Variants in MET observed in about 807,000 individuals in gnomAD.
MET encodes MET proto-oncogene, receptor tyrosine kinase.
Under a neutral mutation model 133.1 loss-of-function variants are expected in MET, and 48 were observed. The ratio of observed to expected loss-of-function variants is 0.36; its 90% CI spans 0.29 to 0.46. MET has a LOEUF of 0.46. Ranked by LOEUF, MET falls within the 20% of genes least tolerant of loss-of-function variation. MET has a pLI of 1.00. For missense variants in MET, 1,442 were observed against 1,695.9 expected (o/e 0.85, Z 2.63); for synonymous variants, 628 against 616.5 (o/e 1.02, Z -0.28).
At chr7:116,757,111 A>G (rs540804012) in intron 6 of MET, among the ~76,000 whole-genome samples, 3 of 151,976 alleles carry the variant, frequency 2.0e-5, no homozygotes, top group Non-Finnish European at 2.9e-5. Flanking sequence ...ATGCCGTGGC[A>G]TGCACCTCTA....
At chr7:116,792,034 AT>A (rs1795516466) in intron 19 of MET, among the ~76,000 whole-genome samples, 4 of 152,098 alleles carry the variant, frequency 2.6e-5, no homozygotes, top group African/African-American at 9.7e-5. Flanking sequence ...AAAGTTTTTG[AT>A]TTTGTTGAAA....
intron 5 of MET, among the ~76,000 whole-genome samples, chr7:116,754,725 G>A (rs1794058833): frequency 6.6e-6 from 1 of 151,568 alleles, no homozygotes; most frequent in African/African-American, 2.4e-5. Flanking sequence ...GCTAATGTGG[G>A]AGGATTGCTT....
chr7:116,784,116 C>G (rs1326242186), intron 19 of MET, among the ~76,000 whole-genome samples: 1 of 152,140 alleles, frequency 6.6e-6, no homozygotes, highest in Admixed American at 6.5e-5. Flanking sequence ...AATGGAAATA[C>G]CGATCCAGGT....
intron 1 of MET, among the ~76,000 whole-genome samples, chr7:116,680,830 T>C (rs1461800856): frequency 6.6e-6 from 1 of 151,894 alleles, no homozygotes; most frequent in Non-Finnish European, 1.5e-5. Context: ...CAGTCCCAGC[T>C]ACTCAGGAGG....
chr7:116,674,973 A>T (rs1458650684), intron 1 of MET, among the ~76,000 whole-genome samples: 1 of 152,264 alleles, frequency 6.6e-6, no homozygotes, highest in Non-Finnish European at 1.5e-5. Flanking sequence ...ATGTATGTAG[A>T]AACTCAAGTG....
intron 19 of MET, among the ~76,000 whole-genome samples, chr7:116,789,625 A>T (rs1795423036): frequency 6.6e-6 from 1 of 152,234 alleles, no homozygotes; most frequent in African/African-American, 2.4e-5. Flanking sequence ...CTAGAGTTTT[A>T]CTTTTTCTAA....
chr7:116,696,468 T>G (rs967810838), intron 1 of MET, among the ~76,000 whole-genome samples: 2 of 152,230 alleles, frequency 1.3e-5, no homozygotes, highest in Non-Finnish European at 2.9e-5. Context: ...CAATTTAACA[T>G]CTGATACTAC....
At chr7:116,754,010 C>T (rs536565948) in intron 5 of MET, among the ~76,000 whole-genome samples, 2 of 152,310 alleles carry the variant, frequency 1.3e-5, no homozygotes, top group South Asian at 4.1e-4. Context: ...TGGCGCACAC[C>T]TGTAGTCCTG....
chr7:116,685,053 G>T (rs942392921), intron 1 of MET, among the ~76,000 whole-genome samples: 1 of 152,190 alleles, frequency 6.6e-6, no homozygotes, highest in African/African-American at 2.4e-5. Context: ...TATGGGACAT[G>T]TTCAGCACTG....
intron 2 of MET, among the ~76,000 whole-genome samples, chr7:116,720,251 T>A (rs1369103898): frequency 3.6e-5 from 5 of 140,420 alleles, no homozygotes; most frequent in African/African-American, 1.3e-4. Flanking sequence ...GAAGCAATTG[T>A]GAATGGGAGT....
At chr7:116,678,212 G>A (rs897931699) in intron 1 of MET, among the ~76,000 whole-genome samples, 3 of 152,134 alleles carry the variant, frequency 2.0e-5, no homozygotes, top group Non-Finnish European at 4.4e-5. Flanking sequence ...GCCCAAGCTA[G>A]CAGCCCTCCA....
Position 116,740,874 on chromosome 7 carries a change from G to T in MET, c.1550G>T (p.Gly517Val), listed in dbSNP as rs1417975136. ...CAGATCACGAAGATCCCATTGAATG[G>T]CTTGGGCTGCAGACATTTCCAGTCC... ...GKKITKIPLN[G>V]LGCRHFQSCS... The change falls in exon 5 of 21, where the codon GGC becomes GTC. Residue 517 changes from glycine to valine, a missense_variant. Physicochemically the swap from Gly to Val is moderately radical, Grantham distance 109 (BLOSUM62 -3). This residue lies in a region of MET where 762 missense variants were observed against 792.4 expected (regional missense o/e 0.96). Coordinates refer to ENST00000397752, the MANE Select transcript of MET (RefSeq NM_000245.4). The T allele has an allele frequency of 6.2e-7, 1 of 1,614,034 alleles. No individual in the cohort carries two copies. The highest frequency in any genetic ancestry group is 1.3e-5 in the African/African-American group (1 of 75,010).
Position 116,700,212 on chromosome 7 carries a change from G to A in MET, c.1128G>A (p.Lys376=), listed in dbSNP as rs2116606082. The A allele has an allele frequency of 6.3e-7, 1 of 1,594,770 alleles. No homozygotes were observed. Among genetic ancestry groups the A allele is most frequent in the Non-Finnish European group, 8.5e-7 (1 of 1,174,090 alleles). Residue 376 remains lysine (K), a synonymous_variant, in exon 2 of 21, where the codon AAG becomes AAA. Transcript: ENST00000397752. The part of the protein sequence containing the change: ...PIKYVNDFFN[K]IVNKNNVRCL... ...AATATGTCAACGACTTCTTCAACAAGATCGTCAACAAAAACAATGTGAGAT... is the reference window on the plus strand; with the variant it reads ...AATATGTCAACGACTTCTTCAACAAAATCGTCAACAAAAACAATGTGAGAT...
rs577002609 is a variant in MET at position 116,743,087 on chromosome 7, A to C, written c.1701+2062A>C. ...CAGTGGGTGCAGCCCACAGAGGTTGAGCTGAAGCAAGGTGGGATGTTGCCT... is the reference window on the plus strand; with the variant it reads ...CAGTGGGTGCAGCCCACAGAGGTTGCGCTGAAGCAAGGTGGGATGTTGCCT... On this transcript the variant is annotated intron_variant, in intron 5 of 20. Transcript: ENST00000397752. Among the ~76,000 whole-genome samples, 66 of 152,338 alleles carry C rather than the reference A, an allele frequency of 4.3e-4. 1 individual carries two copies. Among genetic ancestry groups the C allele is most frequent in the African/African-American group, 1.5e-3 (64 of 41,568 alleles).
chr7:116,755,036 G>GAAAGAAAGAAAGAAAGAAAGAAAGA (rs1554394838), intron 5 of MET, among the ~76,000 whole-genome samples: 3 of 151,354 alleles, frequency 2.0e-5, no homozygotes, highest in East Asian at 1.9e-4. Flanking sequence ...AAGAAAGAAA[G>GAAAGAAAGAAAGAAAGAAAGAAAGA]AAAGAAAAGA....
intron 1 of MET, among the ~76,000 whole-genome samples, chr7:116,677,474 T>C (rs550290947): frequency 1.3e-5 from 2 of 152,364 alleles, no homozygotes; most frequent in South Asian, 2.1e-4. Context: ...TTAGAGCTGT[T>C]GTGAGGCTCA....
At chr7:116,790,948 C>T (rs551628216) in intron 19 of MET, among the ~76,000 whole-genome samples, 1 of 152,160 alleles carries the variant, frequency 6.6e-6, no homozygotes, top group Non-Finnish European at 1.5e-5. Flanking sequence ...AGTGGTGGCA[C>T]ATGCCTGTAA....
chr7:116,795,605 A>G, intron 19 of MET, 50 bp from the exon 20 acceptor site: 1 of 1,611,854 alleles, frequency 6.2e-7, no homozygotes, highest in African/African-American at 1.3e-5. Flanking sequence ...CCTTTCATAT[A>G]TGTATGGTCA....
At position 116,740,071 on chromosome 7, in the gene MET, T is replaced by C; in HGVS notation, c.1514T>C (p.Ile505Thr). ...AACCAAAATGGCTACACACTGGTTATCACTGGGAAGAAGGTAAGCTGTTCC... is the reference window on the plus strand; with the variant it reads ...AACCAAAATGGCTACACACTGGTTACCACTGGGAAGAAGGTAAGCTGTTCC... Reference protein sequence around the residue: ...TLNQNGYTLVITGKKITKIPL... With the variant: ...TLNQNGYTLVTTGKKITKIPL... The change falls in exon 4 of 21, where the codon ATC becomes ACC. Residue 505 changes from isoleucine to threonine, a missense_variant. By Grantham distance (89) the Ile-to-Thr change is moderately conservative. Transcript: ENST00000397752. 6.2e-7 allele frequency: 1 copy of C among 1,614,104 alleles called. No individual in the cohort carries two copies. Among genetic ancestry groups the C allele is most frequent in the Non-Finnish European group, 8.5e-7 (1 of 1,179,960 alleles).
Sources: allele counts gnomAD v4.1 joint callset (sites outside exome capture counted in the v4.1 genomes callset), GRCh38; gene constraint gnomAD v4.1.1; regional missense constraint gnomAD v4.1.1; transcripts MANE v1.5; gene names NCBI Gene and HGNC (gene_info 2026-07-23, HGNC 2026-07-21).